Variants in IST1 observed in about 807,000 individuals in gnomAD.
The protein encoded by IST1 is IST1 factor associated with ESCRT-III, also known as IST1 homolog.
A neutral mutation model predicts 37.0 loss-of-function variants in IST1; 23 were observed. That is an observed-to-expected ratio of 0.62 (90% confidence interval 0.45 to 0.88). The LOEUF (loss-of-function observed/expected upper bound fraction) is 0.88, where lower values mean the gene tolerates loss of function less well. Ranked by LOEUF, IST1 falls within the 40% of genes least tolerant of loss-of-function variation. The probability of loss-of-function intolerance (pLI) is 0.00; values close to 1 mark genes in which losing one functional copy is unlikely to be tolerated. For synonymous variants in IST1, 180 were observed against 161.7 expected, an observed-to-expected ratio of 1.11 and a Z score of -0.86; for missense variants, 488 against 445.4, an observed-to-expected ratio of 1.10 and a Z score of -0.86.
At chr16:71,907,980 C>G (rs140631988) in intron 1 of IST1, among the ~76,000 whole-genome samples, 1 of 152,204 alleles carries the variant, frequency 6.6e-6, no homozygotes, top group Non-Finnish European at 1.5e-5. Flanking sequence ...GAGTCTCGCT[C>G]TGTTGCCCAG....
intron 1 of IST1, among the ~76,000 whole-genome samples, chr16:71,900,474 C>G (rs771729004): frequency 6.6e-6 from 1 of 151,764 alleles, no homozygotes; most frequent in Non-Finnish European, 1.5e-5. Context: ...AGGAAGGACT[C>G]AGTCCATGGT....
intron 9 of IST1, among the ~76,000 whole-genome samples, chr16:71,927,413 C>T (rs1386974135): frequency 6.6e-6 from 1 of 150,618 alleles, no homozygotes; most frequent in Non-Finnish European, 1.5e-5. Flanking sequence ...TGCCTGAACC[C>T]AGGAGGCAGA....
chr16:71,897,165 C>A (rs534536049), intron 1 of IST1, among the ~76,000 whole-genome samples: 2 of 140,592 alleles, frequency 1.4e-5, no homozygotes, highest in African/African-American at 5.3e-5. Context: ...TACAGGCCCA[C>A]GCCTGGCTTT....
At position 71,924,802 on chromosome 16, in the gene IST1, T is replaced by TCTGCACAGATTGTTGGTGAGTAGTATC; in HGVS notation, c.887_901+12dup. 6.2e-7 allele frequency: 1 copy of TCTGCACAGATTGTTGGTGAGTAGTATC among 1,609,422 alleles called. No homozygotes were observed. Among genetic ancestry groups the TCTGCACAGATTGTTGGTGAGTAGTATC allele is most frequent in the Non-Finnish European group, 8.5e-7 (1 of 1,175,656 alleles). ...CATTAATGCTGATAAGAATATCTCT[T>TCTGCACAGATTGTTGGTGAGTAGTATC]CTGCACAGATTGTTGGTGAGTAGTA... is the stretch of plus-strand genomic sequence containing the variant. On this transcript the variant is annotated stop_gained and inframe_insertion, in exon 9 of 10. Transcript: ENST00000378799. LOFTEE classifies it high-confidence loss of function.
intron 7 of IST1, chr16:71,923,037 A>G: frequency 2.1e-6 from 1 of 468,488 alleles, no homozygotes; most frequent in Non-Finnish European, 3.7e-6. Context: ...GTAGTAAGAA[A>G]GTCTCGTTAG....
intron 9 of IST1, among the ~76,000 whole-genome samples, chr16:71,926,301 T>C (rs1218708557): frequency 6.6e-6 from 1 of 151,884 alleles, no homozygotes; most frequent in African/African-American, 2.4e-5. Context: ...TAAATAATAT[T>C]AGACAGTTGT....
At chr16:71,899,443 A>G (rs554274199) in intron 1 of IST1, among the ~76,000 whole-genome samples, 8 of 152,212 alleles carry the variant, frequency 5.3e-5, no homozygotes, top group South Asian at 4.2e-4. Flanking sequence ...AAGATAAAGG[A>G]ATTGGGCTGT....
chr16:71,920,705 C>G (rs557845748), intron 4 of IST1, 34 bp from the exon 5 acceptor site: 22 of 1,494,944 alleles, frequency 1.5e-5, no homozygotes, highest in South Asian at 1.5e-4. Context: ...TTGGAGTGGT[C>G]TCTATTTTTA....
chr16:71,906,923 G>C lies in IST1; in HGVS notation c.-15-8703G>C, dbSNP rs558655326. ...CTCATGCCTGTAGTCCCAGCTACTT[G>C]GGAGGCTGAGGCAGGGGAATCACTT... On this transcript the variant is annotated intron_variant, in intron 1 of 9. Coordinates refer to ENST00000378799, the MANE Select transcript of IST1 (RefSeq NM_001270975.2). 2.0e-5 allele frequency among the ~76,000 whole-genome samples: 3 copies of C among 151,992 alleles called. No homozygotes were observed. The East Asian group carries it at 5.8e-4, about 29-fold the overall frequency.
chr16:71,927,941 C>T lies in IST1; in HGVS notation c.*128C>T. 1.5e-6 allele frequency: 1 copy of T among 683,914 alleles called. No homozygotes were observed. The highest frequency in any genetic ancestry group is 2.6e-6 in the Non-Finnish European group (1 of 392,046). 42.4% of individuals were successfully genotyped at this position (683,914 alleles called of 1,614,324 possible). On this transcript the variant is annotated 3_prime_UTR_variant, in exon 10 of 10. Transcript: ENST00000378799. ...CACTCAGCACAACACTCCCTCTGGG[C>T]TCTCTTCCTGCTCCTCCAGATTCTG... is the stretch of plus-strand genomic sequence containing the variant.
At chr16:71,912,901 A>G (rs2037389164) in intron 1 of IST1, among the ~76,000 whole-genome samples, 1 of 152,100 alleles carries the variant, frequency 6.6e-6, no homozygotes, top group Non-Finnish European at 1.5e-5. Context: ...CTCAAATTTC[A>G]TCCATGTTGT....
chr16:71,914,848 G>A (rs1166822916), intron 1 of IST1, among the ~76,000 whole-genome samples: 1 of 152,190 alleles, frequency 6.6e-6, no homozygotes, highest in African/African-American at 2.4e-5. Context: ...TAAATTTAGA[G>A]AAATAGAAAT....
chr16:71,895,634 C>G (rs574123562), intron 1 of IST1, 45 bp downstream of exon 1: 154 of 795,902 alleles, frequency 1.9e-4, no homozygotes, highest in Non-Finnish European at 2.2e-4. Context: ...TCTTCCTCTT[C>G]TCTCTGCGCT....
At chr16:71,918,214 A>G (rs572924553) in intron 4 of IST1, among the ~76,000 whole-genome samples, 2 of 152,336 alleles carry the variant, frequency 1.3e-5, no homozygotes, top group South Asian at 4.1e-4. Context: ...AAGGAAGCCA[A>G]AAATCTATTT....
At chr16:71,903,658 C>T (rs566079613) in intron 1 of IST1, 3 of 152,348 alleles carry the variant, frequency 2.0e-5, no homozygotes, top group South Asian at 2.1e-4. Flanking sequence ...CTCAGCCTCT[C>T]AAGTAGCTGA....
At chr16:71,924,539 C>G in intron 8 of IST1, 1 of 585,650 alleles carries the variant, frequency 1.7e-6, no homozygotes, top group Non-Finnish European at 3.0e-6. Flanking sequence ...TGTGGTGAGC[C>G]GTGATTGTAT....
rs1216293943 is a variant in IST1, at chr16:71,917,765, A to G, written c.357+631A>G. On this transcript the variant is annotated intron_variant, in intron 4 of 9. Coordinates refer to ENST00000378799, the MANE Select transcript of IST1 (RefSeq NM_001270975.2). The stretch of plus-strand genomic sequence containing the variant: ...ATCTACTGAGATTTCCTTCTTTTCT[A>G]GGTTTTTTTCAAGAGCTCTTTTTAA... 2.7e-5 allele frequency among the ~76,000 whole-genome samples: 4 copies of G among 150,194 alleles called. No homozygotes were observed. The East Asian group carries it at 5.9e-4, about 22-fold the overall frequency.
At chr16:71,922,332 T>TGC (rs2037612276) in intron 6 of IST1, 142 bp from the exon 7 acceptor site, 1 of 709,712 alleles carries the variant, frequency 1.4e-6, no homozygotes, top group Non-Finnish European at 2.5e-6. Context: ...CACCTAACTC[T>TGC]GCCTTTTCTT....
rs191318565 is a variant in IST1, at chr16:71,910,372, C to G, written c.-15-5254C>G. 3.3e-3 allele frequency among the ~76,000 whole-genome samples: 500 copies of G among 151,984 alleles called. 6 individuals are homozygous for G. The highest frequency in any genetic ancestry group is 0.011 in the African/African-American group (454 of 41,440). ...CTGTAATCCCAGTACTTTGGGAGGCCGAGGCAGGCGGATTACAAAGTCAGG... is the reference window on the plus strand; with the variant it reads ...CTGTAATCCCAGTACTTTGGGAGGCGGAGGCAGGCGGATTACAAAGTCAGG... On this transcript the variant is annotated intron_variant, in intron 1 of 9. Transcript: ENST00000378799.
Sources: gnomAD v4.1 joint callset for allele counts (sites outside exome capture counted in the v4.1 genomes callset) on GRCh38, gnomAD v4.1.1 for gene constraint, MANE v1.5 for transcripts, NCBI Gene and HGNC (gene_info 2026-07-23, HGNC 2026-07-21) for gene names.